The following PTPRD variants were observed in gnomAD, a reference collection of about 807,000 sequenced individuals.
The protein encoded by PTPRD is protein tyrosine phosphatase receptor type D, also known as receptor-type tyrosine-protein phosphatase delta.
PTPRD carries 34 observed loss-of-function variants against 214.5 expected under a neutral mutation model. That is an observed-to-expected ratio of 0.16 (90% CI 0.12 to 0.21). The LOEUF (loss-of-function observed/expected upper bound fraction) is 0.21. Among genes scored for constraint, PTPRD ranks in the 10% least tolerant of loss-of-function variants. The pLI is 1.00. For missense variants in PTPRD, 2,545 were observed against 2,398.7 expected, an observed-to-expected ratio of 1.06 and a Z score of -1.27; for synonymous variants, 1,128 against 845.7, an observed-to-expected ratio of 1.33 and a Z score of -5.79.
At chr9:9,131,729 T>C (rs546832373) in intron 10 of PTPRD, among the ~76,000 whole-genome samples, 3 of 152,300 alleles carry the variant, frequency 2.0e-5, no homozygotes, top group Non-Finnish European at 2.9e-5. Flanking sequence ...GTAAATATCA[T>C]ATATGAATAG....
rs148901051 is a variant in PTPRD, at chr9:8,882,171, C to A, written c.-104+136526G>T. Among the ~76,000 whole-genome samples the A allele has an allele frequency of 4.6e-3, 701 of 152,276 alleles. 7 individuals carry two copies. Among genetic ancestry groups the A allele is most frequent in the African/African-American group, 0.015 (631 of 41,564 alleles). On this transcript the variant is annotated intron_variant, in intron 11 of 45. Transcript: ENST00000381196. ...TTTATAGCATCTAGAAGAATGAACACCCAAAGAAATACTGTCGACTCATTG... is the reference window on the plus strand; with the variant it reads ...TTTATAGCATCTAGAAGAATGAACAACCAAAGAAATACTGTCGACTCATTG...
intron 39 of PTPRD, among the ~76,000 whole-genome samples, chr9:8,372,085 T>C (rs1305755335): frequency 3.3e-5 from 5 of 152,082 alleles, no homozygotes; most frequent in Non-Finnish European, 7.4e-5. Flanking sequence ...TTATTATAAA[T>C]GATCCTCTCT....
intron 11 of PTPRD, among the ~76,000 whole-genome samples, chr9:8,981,537 G>C (rs554990305): frequency 1.7e-3 from 262 of 152,042 alleles, no homozygotes; most frequent in Non-Finnish European, 2.4e-3. Flanking sequence ...TACTTGGCTA[G>C]GAATCTTTGT....
intron 8 of PTPRD, among the ~76,000 whole-genome samples, chr9:9,462,522 G>A (rs528954774): frequency 1.5e-4 from 23 of 152,232 alleles, no homozygotes; most frequent in African/African-American, 4.8e-4. Context: ...AGTTAAATCA[G>A]ATTTTTAAAA....
chr9:10,574,400 T>G (rs1342013478), intron 2 of PTPRD, among the ~76,000 whole-genome samples: 2 of 152,250 alleles, frequency 1.3e-5, no homozygotes, highest in East Asian at 3.9e-4. Context: ...CATAGTATAT[T>G]GAAATAATTA....
intron 5 of PTPRD, among the ~76,000 whole-genome samples, chr9:9,771,594 G>A (rs1422846483): frequency 2.0e-5 from 3 of 152,122 alleles, no homozygotes; most frequent in African/African-American, 7.2e-5. Flanking sequence ...TAAATGTTAA[G>A]CCTTTAAAAT....
intron 4 of PTPRD, among the ~76,000 whole-genome samples, chr9:9,965,808 T>TTGAAACATTA (rs2094650544): frequency 6.6e-6 from 1 of 152,162 alleles, no homozygotes; most frequent in Non-Finnish European, 1.5e-5. Context: ...CATTAAAACT[T>TTGAAACATTA]AGAGCTCTTG....
At chr9:8,897,460 C>T (rs2098628746) in intron 11 of PTPRD, among the ~76,000 whole-genome samples, 1 of 152,126 alleles carries the variant, frequency 6.6e-6, no homozygotes. Flanking sequence ...TAAGCTACCA[C>T]ATAGTGATGG....
intron 14 of PTPRD, among the ~76,000 whole-genome samples, chr9:8,568,342 C>G (rs1192649508): frequency 6.6e-6 from 1 of 152,044 alleles, no homozygotes; most frequent in Non-Finnish European, 1.5e-5. Context: ...TCTCTACTAA[C>G]AGTGATTTCA....
At chr9:8,693,126 G>C (rs529610897) in intron 12 of PTPRD, among the ~76,000 whole-genome samples, 1 of 152,282 alleles carries the variant, frequency 6.6e-6, no homozygotes, top group South Asian at 2.1e-4. Context: ...ATACTTGCTC[G>C]TGTCCTTTGC....
chr9:10,215,040 A>G (rs900505348), intron 3 of PTPRD, among the ~76,000 whole-genome samples: 1 of 152,096 alleles, frequency 6.6e-6, no homozygotes, highest in African/African-American at 2.4e-5. Context: ...AGCTGATTCC[A>G]TACTCTAGTC....
At chr9:10,063,280 C>A (rs2097810094) in intron 3 of PTPRD, among the ~76,000 whole-genome samples, 1 of 152,048 alleles carries the variant, frequency 6.6e-6, no homozygotes, top group Admixed American at 6.6e-5. Flanking sequence ...AAAACTGAAT[C>A]TGTCAATACC....
In PTPRD at chr9:9,973,550, A is replaced by G. The variant is rs552442189; in HGVS notation, c.-471-34940T>C. 2.1e-3 allele frequency among the ~76,000 whole-genome samples: 326 copies of G among 152,164 alleles called. 1 individual carries two copies. The highest frequency in any genetic ancestry group is 7.2e-3 in the African/African-American group (297 of 41,520). ...TCTAACTTATTCAGAAAATTGCCTT[A>G]ATTCCTCACTCACTTTAGCATTCTA... On this transcript the variant is annotated intron_variant, in intron 4 of 45. Coordinates refer to ENST00000381196, the MANE Select transcript of PTPRD (RefSeq NM_002839.4).
intron 7 of PTPRD, among the ~76,000 whole-genome samples, chr9:9,701,353 A>G (rs887854724): frequency 2.0e-5 from 3 of 152,210 alleles, no homozygotes; most frequent in Non-Finnish European, 4.4e-5. Context: ...AAAAAAAGTT[A>G]TGCTAATAAT....
chr9:9,958,915 G>T (rs1374300691), intron 4 of PTPRD, among the ~76,000 whole-genome samples: 1 of 152,068 alleles, frequency 6.6e-6, no homozygotes, highest in Non-Finnish European at 1.5e-5. Flanking sequence ...AATACAAAAT[G>T]GTACAGCCAT....
intron 35 of PTPRD, among the ~76,000 whole-genome samples, chr9:8,409,005 G>A (rs941684697): frequency 1.3e-5 from 2 of 152,142 alleles, no homozygotes; most frequent in African/African-American, 4.8e-5. Context: ...TCAACTAGAA[G>A]TTTATCTCAA....
At chr9:9,743,281 A>G (rs1291183650) in intron 6 of PTPRD, among the ~76,000 whole-genome samples, 1 of 152,180 alleles carries the variant, frequency 6.6e-6, no homozygotes, top group Non-Finnish European at 1.5e-5. Context: ...TTATGAGTCC[A>G]AGAGGGCTGG....
intron 10 of PTPRD, among the ~76,000 whole-genome samples, chr9:9,151,280 A>G (rs7861959): frequency 0.23 from 35,252 of 152,058 alleles, 4,256 homozygotes; most frequent in South Asian, 0.31. Flanking sequence ...CCCTCATGCC[A>G]GACTTAGCAA....
intron 9 of PTPRD, among the ~76,000 whole-genome samples, chr9:9,248,343 C>T (rs1256791551): frequency 2.6e-5 from 4 of 152,056 alleles, no homozygotes; most frequent in African/African-American, 9.7e-5. Flanking sequence ...ATCCACCTGC[C>T]TCAGACTCCC....
Sources: gnomAD v4.1 joint callset for allele counts (sites outside exome capture counted in the v4.1 genomes callset) on GRCh38, gnomAD v4.1.1 for gene constraint, MANE v1.5 for transcripts, NCBI Gene and HGNC (gene_info 2026-07-23, HGNC 2026-07-21) for gene names.